Variants in THSD7B observed in about 807,000 individuals in gnomAD.
The protein encoded by THSD7B is thrombospondin type 1 domain containing 7B, also known as thrombospondin type-1 domain-containing protein 7B.
In THSD7B, 138 loss-of-function variants were observed where a neutral mutation model predicts 213.6. The ratio of observed to expected loss-of-function variants is 0.65; its 90% CI spans 0.56 to 0.74. The LOEUF is 0.74. Among genes scored for constraint, THSD7B ranks in the 30% least tolerant of loss-of-function variants. The probability of loss-of-function intolerance (pLI) is 0.00; values close to 1 mark genes in which losing one functional copy is unlikely to be tolerated. For synonymous variants in THSD7B, 742 were observed against 687.0 expected, an observed-to-expected ratio of 1.08 and a Z score of -1.25; for missense variants, 1,931 against 1,991.5, an observed-to-expected ratio of 0.97 and a Z score of 0.58.
intron 4 of THSD7B, among the ~76,000 whole-genome samples, chr2:137,098,808 G>A (rs1688088705): frequency 6.6e-6 from 1 of 152,094 alleles, no homozygotes; most frequent in East Asian, 1.9e-4. Context: ...ACTCCATGAA[G>A]GGAATTGTAA....
intron 15 of THSD7B, among the ~76,000 whole-genome samples, chr2:137,485,342 C>T (rs1688410123): frequency 6.6e-6 from 1 of 151,242 alleles, no homozygotes; most frequent in Non-Finnish European, 1.5e-5. Context: ...AGATATGCGG[C>T]ATTATTTCTG....
intron 16 of THSD7B, among the ~76,000 whole-genome samples, chr2:137,567,445 G>C (rs1681262396): frequency 6.6e-6 from 1 of 152,104 alleles, no homozygotes; most frequent in Non-Finnish European, 1.5e-5. Context: ...CATTTGAAAA[G>C]AGCCTTATTG....
intron 2 of THSD7B, among the ~76,000 whole-genome samples, chr2:136,946,264 C>T (rs1239237257): frequency 2.0e-5 from 3 of 152,146 alleles, no homozygotes; most frequent in Non-Finnish European, 4.4e-5. Flanking sequence ...CCACTCCAGA[C>T]CCTGTTTGCC....
intron 2 of THSD7B, among the ~76,000 whole-genome samples, chr2:136,963,869 T>C (rs1685272318): frequency 6.6e-6 from 1 of 152,218 alleles, no homozygotes; most frequent in Non-Finnish European, 1.5e-5. Flanking sequence ...TAGACGTGTT[T>C]GTTAATGTGC....
At chr2:137,240,678 T>C (rs924211865) in intron 9 of THSD7B, among the ~76,000 whole-genome samples, 1 of 152,088 alleles carries the variant, frequency 6.6e-6, no homozygotes, top group Admixed American at 6.5e-5. Flanking sequence ...GCCCAGCTAA[T>C]ATTTTTTATA....
intron 2 of THSD7B, among the ~76,000 whole-genome samples, chr2:136,983,371 G>GACACACACACACACA (rs1398395384): frequency 9.9e-5 from 14 of 141,232 alleles, no homozygotes; most frequent in Non-Finnish European, 1.5e-4. Flanking sequence ...ACACACACAC[G>GACACACACACACACA]CACACACACT....
chr2:137,010,002 T>G (rs1056769958), intron 2 of THSD7B, among the ~76,000 whole-genome samples: 10 of 152,252 alleles, frequency 6.6e-5, no homozygotes, highest in Non-Finnish European at 1.5e-4. Flanking sequence ...TACCTAATTC[T>G]GAATTAAATT....
chr2:136,937,006 G>A lies in THSD7B; in HGVS notation c.139+54689G>A, dbSNP rs186518914. Among the ~76,000 whole-genome samples the A allele has an allele frequency of 1.3e-5, 2 of 152,058 alleles. 1 individual carries two copies. The highest frequency in any genetic ancestry group is 1.3e-4 in the Admixed American group (2 of 15,266). On this transcript the variant is annotated intron_variant, in intron 2 of 27. Transcript: ENST00000409968. Reference sequence around the variant, plus strand: ...ATAAAAAATTTTACTCATTTAAAATGTTCAGCACAATGGTTTTTGTAAAAT... The same window carrying A: ...ATAAAAAATTTTACTCATTTAAAATATTCAGCACAATGGTTTTTGTAAAAT...
chr2:137,590,686 A>G (rs913526307), intron 17 of THSD7B, among the ~76,000 whole-genome samples: 1 of 151,902 alleles, frequency 6.6e-6, no homozygotes, highest in Non-Finnish European at 1.5e-5. Context: ...TCTATAATTG[A>G]CAATGATTTA....
chr2:137,575,805 G>C (rs1681448724), intron 17 of THSD7B, among the ~76,000 whole-genome samples: 2 of 150,946 alleles, frequency 1.3e-5, no homozygotes, highest in South Asian at 4.2e-4. Flanking sequence ...TTGTGTAATT[G>C]TGCATACAAT....
chr2:137,493,122 CAAAAAAAAA>C (rs376770053), intron 15 of THSD7B, among the ~76,000 whole-genome samples: 5 of 44,204 alleles, frequency 1.1e-4, no homozygotes, highest in Admixed American at 4.0e-4. Context: ...CTCTCTCTCT[CAAAAAAAAA>C]AAAAAAAAAA....
intron 2 of THSD7B, among the ~76,000 whole-genome samples, chr2:136,928,979 A>T (rs1684587933): frequency 2.0e-5 from 3 of 152,170 alleles, no homozygotes; most frequent in African/African-American, 7.2e-5. Context: ...GAGAAACAGA[A>T]ATGAAATTTG....
chr2:137,423,805 G>A (rs1686980383), intron 14 of THSD7B, among the ~76,000 whole-genome samples: 1 of 151,998 alleles, frequency 6.6e-6, no homozygotes, highest in African/African-American at 2.4e-5. Flanking sequence ...AATAAATTGA[G>A]AAACTGATCC....
chr2:136,897,106 TGGCTACTTATTTTTAATTAAAAA>T lies in THSD7B; in HGVS notation c.139+14790_139+14812del, dbSNP rs1023006745. On this transcript the variant is annotated intron_variant, in intron 2 of 27. Coordinates refer to ENST00000409968, the MANE Select transcript of THSD7B (RefSeq NM_001316349.2). Reference sequence around the variant, plus strand: ...GACTACAGGTGTGCACCACCCTGCCTGGCTACTTATTTTTAATTAAAAAAAAATTTGTAGAGACAAGGTCTCAC... The same window carrying T: ...GACTACAGGTGTGCACCACCCTGCCTAAAATTTGTAGAGACAAGGTCTCAC... 4.6e-5 allele frequency among the ~76,000 whole-genome samples: 7 copies of T among 152,188 alleles called. No homozygotes were observed. In the East Asian group the frequency reaches 5.8e-4, roughly 13 times the overall value.
chr2:137,626,529 C>T (rs1451801867), intron 20 of THSD7B, among the ~76,000 whole-genome samples: 1 of 151,546 alleles, frequency 6.6e-6, no homozygotes, highest in Non-Finnish European at 1.5e-5. Flanking sequence ...ATTGTTCTCA[C>T]CATTACCACC....
At chr2:137,137,416 G>A (rs4954472) in intron 5 of THSD7B, among the ~76,000 whole-genome samples, 102,178 of 152,014 alleles carry the variant, frequency 0.67, 36,287 homozygotes, top group Non-Finnish European at 0.78. Flanking sequence ...ACCATGTTTC[G>A]GTCAATGACA....
intron 5 of THSD7B, among the ~76,000 whole-genome samples, chr2:137,122,680 G>T (rs903031582): frequency 1.3e-5 from 2 of 152,024 alleles, no homozygotes; most frequent in Non-Finnish European, 2.9e-5. Context: ...TTCAACCCTT[G>T]GAGCTCCAAC....
chr2:136,861,251 G>T (rs1683255376), intron 1 of THSD7B, among the ~76,000 whole-genome samples: 1 of 152,066 alleles, frequency 6.6e-6, no homozygotes, highest in South Asian at 2.1e-4. Context: ...CTCATTTTAG[G>T]GTCTCATTAT....
At chr2:137,258,432 G>C (rs891579282) in intron 10 of THSD7B, among the ~76,000 whole-genome samples, 5 of 151,914 alleles carry the variant, frequency 3.3e-5, no homozygotes, top group African/African-American at 1.2e-4. Context: ...GCTCTGTCTG[G>C]AATTTGACTC....
Sources: allele counts gnomAD v4.1 joint callset (sites outside exome capture counted in the v4.1 genomes callset), GRCh38; gene constraint gnomAD v4.1.1; transcripts MANE v1.5; gene names NCBI Gene and HGNC (gene_info 2026-07-23, HGNC 2026-07-21).